Variants in ZNF469 observed in about 807,000 individuals in gnomAD.
ZNF469 encodes zinc finger protein 469.
ZNF469 carries 1 observed loss-of-function variant against 1.0 expected under a neutral mutation model. The ratio of observed to expected loss-of-function variants is 1.00; its 90% confidence interval spans 0.35 to 4.73. The LOEUF is 4.73. Among genes scored for constraint, ZNF469 ranks in the 30% most tolerant of loss-of-function variants. The pLI is 0.16. For synonymous variants in ZNF469, 2,703 were observed against 2,363.4 expected, an observed-to-expected ratio of 1.14 and a Z score of -4.17; for missense variants, 6,100 against 5,356.3, an observed-to-expected ratio of 1.14 and a Z score of -4.33.
chr16:88,115,832 C>T, the ZNF469 span, among the ~76,000 whole-genome samples: 1 of 152,232 alleles, frequency 6.6e-6, no homozygotes, highest in South Asian at 2.1e-4. Context: ...CAGCCTCTCC[C>T]AGCTCCTGGG....
chr16:88,421,887 G>T (rs1178244548), intron 1 of ZNF469, among the ~76,000 whole-genome samples: 1 of 152,258 alleles, frequency 6.6e-6, no homozygotes, highest in Non-Finnish European at 1.5e-5. Flanking sequence ...TCAGCCTAAG[G>T]CTGCGAATCT....
At chr16:88,122,156 C>G in the ZNF469 span, among the ~76,000 whole-genome samples, 1 of 147,690 alleles carries the variant, frequency 6.8e-6, no homozygotes, top group East Asian at 1.9e-4. Context: ...CACCCCGTCA[C>G]TCGGTATGGC....
chr16:88,143,753 C>T, the ZNF469 span, among the ~76,000 whole-genome samples: 5 of 152,244 alleles, frequency 3.3e-5, no homozygotes, highest in South Asian at 2.1e-4. Flanking sequence ...CGCAGCCTTG[C>T]GGGGAGCGGT....
chr16:88,435,269 A>G lies in ZNF469; in HGVS notation c.7799A>G (p.Asp2600Gly). The G allele has an allele frequency of 6.4e-7, 1 of 1,550,402 alleles. No homozygotes were observed. The highest frequency in any genetic ancestry group is 1.2e-5 in the South Asian group (1 of 84,064). The change falls in exon 3 of 3, where the codon GAT (aspartate) becomes GGT (glycine). Residue 2600 changes from aspartate (D) to glycine (G), a missense_variant. Asp to Gly is a moderately conservative substitution (Grantham distance 94). Transcript: ENST00000565624. Reference sequence around the variant, plus strand: ...CCCAGACCAGACCAGGCCAGGGAAGATGAGCTGCATCCCAAACAGGCAGAA... The same window carrying G: ...CCCAGACCAGACCAGGCCAGGGAAGGTGAGCTGCATCCCAAACAGGCAGAA... ...SKPRPDQARE[D>G]ELHPKQAEKR...
chr16:88,250,112 T>C, the ZNF469 span, among the ~76,000 whole-genome samples: 1 of 152,238 alleles, frequency 6.6e-6, no homozygotes, highest in African/African-American at 2.4e-5. Context: ...TGTATATATC[T>C]AATGCAAAGC....
the ZNF469 span, among the ~76,000 whole-genome samples, chr16:88,341,895 G>A: frequency 3.3e-5 from 5 of 152,212 alleles, no homozygotes; most frequent in South Asian, 2.1e-4. Flanking sequence ...CACCAAGGGC[G>A]CTGGCCATCT....
chr16:88,378,378 C>T (rs897128774), upstream of ZNF469, among the ~76,000 whole-genome samples: 2 of 152,180 alleles, frequency 1.3e-5, no homozygotes, highest in East Asian at 1.9e-4. Context: ...AAATAACTAG[C>T]GCCATATCAG....
chr16:88,330,967 T>C, the ZNF469 span, among the ~76,000 whole-genome samples: 1 of 152,260 alleles, frequency 6.6e-6, no homozygotes, highest in Non-Finnish European at 1.5e-5. Context: ...ATTGTCATAG[T>C]CATCACCATC....
the ZNF469 span, among the ~76,000 whole-genome samples, chr16:88,254,946 A>G: frequency 4.1e-3 from 631 of 152,290 alleles, 4 homozygotes; most frequent in African/African-American, 0.014. Flanking sequence ...ATCCATGAAC[A>G]TGGTATACTT....
chr16:88,117,661 A>AAGTGCCACGTGTCTTCACAG, the ZNF469 span, among the ~76,000 whole-genome samples: 1 of 150,270 alleles, frequency 6.7e-6, no homozygotes, highest in African/African-American at 2.4e-5. Flanking sequence ...TGTCTTCACA[A>AAGTGCCACGTGTCTTCACAG]ACCGTGGAGG....
chr16:88,241,214 C>G, the ZNF469 span, among the ~76,000 whole-genome samples: 2 of 152,176 alleles, frequency 1.3e-5, no homozygotes, highest in East Asian at 3.9e-4. This position sits in a 1 kb window ranked among gnomAD's most constrained non-coding sequence, Gnocchi z 4.8. Flanking sequence ...CTAAAATTAG[C>G]TAAGTGTCAT....
chr16:88,349,855 G>T, the ZNF469 span, among the ~76,000 whole-genome samples: 34 of 972 alleles, frequency 0.035, no homozygotes, highest in Middle Eastern at 0.17. Flanking sequence ...ACACACAAGT[G>T]CACACACACC....
the ZNF469 span, among the ~76,000 whole-genome samples, chr16:88,316,148 C>A: frequency 6.6e-6 from 1 of 152,244 alleles, no homozygotes; most frequent in Non-Finnish European, 1.5e-5. Context: ...GCAGCTTCCC[C>A]CAGGTCCGTC....
At chr16:88,425,723 G>T (rs541742086) in intron 2 of ZNF469, among the ~76,000 whole-genome samples, 2 of 152,336 alleles carry the variant, frequency 1.3e-5, no homozygotes, top group East Asian at 3.9e-4. Flanking sequence ...CTGGCCCCAA[G>T]GACTCCCAGG....
At chr16:88,299,629 G>A in the ZNF469 span, among the ~76,000 whole-genome samples, 7,323 of 152,244 alleles carry the variant, frequency 0.048, 575 homozygotes, top group African/African-American at 0.17. Context: ...GTTCTGGGGC[G>A]GTGGCTGGGG....
At chr16:88,263,238 C>T in the ZNF469 span, among the ~76,000 whole-genome samples, 1 of 152,216 alleles carries the variant, frequency 6.6e-6, no homozygotes. Flanking sequence ...TCCCCCACCC[C>T]ACCCAGTTGT....
the ZNF469 span, among the ~76,000 whole-genome samples, chr16:88,264,818 G>C: frequency 1.3e-5 from 2 of 151,826 alleles, no homozygotes; most frequent in Non-Finnish European, 2.9e-5. Flanking sequence ...CCCCCGCCTC[G>C]CACCCTCGCG....
chr16:88,435,504 C>T lies in ZNF469; in HGVS notation c.8034C>T (p.Cys2678=). Residue 2678 remains cysteine (C), a synonymous_variant, in exon 3 of 3, where the codon TGC becomes TGT. Coordinates refer to ENST00000565624, the MANE Select transcript of ZNF469 (RefSeq NM_001367624.2). ...GTTACGCAGCCTCTCCGAGCCACTGCCTCTCTGTGGAAGGAGGGCCTGAGG... is the reference window on the plus strand; with the variant it reads ...GTTACGCAGCCTCTCCGAGCCACTGTCTCTCTGTGGAAGGAGGGCCTGAGG... ...MASYAASPSH[C]LSVEGGPEAD... 1 of 1,549,380 alleles carries T rather than the reference C, an allele frequency of 6.5e-7. No individual in the cohort carries two copies.
chr16:88,132,096 T>A, the ZNF469 span, among the ~76,000 whole-genome samples: 1 of 152,190 alleles, frequency 6.6e-6, no homozygotes, highest in East Asian at 1.9e-4. Flanking sequence ...GTGGCCACTC[T>A]CCTCTCCATG....
Sources: gnomAD v4.1 joint callset for allele counts (sites outside exome capture counted in the v4.1 genomes callset) on GRCh38, gnomAD v4.1.1 for gene constraint, Gnocchi (gnomAD v3.1) non-coding constraint, MANE v1.5 for transcripts, NCBI Gene and HGNC (gene_info 2026-07-23, HGNC 2026-07-21) for gene names.